Variants in SHC3 observed in about 807,000 individuals in gnomAD.
SHC3 encodes SHC adaptor protein 3.
In SHC3, 15 loss-of-function variants were observed where a neutral mutation model predicts 60.4. That is an observed-to-expected ratio of 0.25 (90% confidence interval 0.17 to 0.38). The LOEUF (loss-of-function observed/expected upper bound fraction) is 0.38. Among genes scored for constraint, SHC3 ranks in the 10% least tolerant of loss-of-function variants. The probability of loss-of-function intolerance (pLI) is 1.00; values close to 1 mark genes in which losing one functional copy is unlikely to be tolerated. For missense variants in SHC3, 677 were observed against 786.1 expected (o/e 0.86, Z 1.66); for synonymous variants, 294 against 325.9 (o/e 0.90, Z 1.05).
intron 8 of SHC3, 133 bp downstream of exon 8, chr9:89,046,711 G>A (rs1168103472): frequency 3.7e-6 from 4 of 1,088,514 alleles, no homozygotes; most frequent in Non-Finnish European, 5.0e-6. Flanking sequence ...GAAATCCAGT[G>A]AGAGAAAGCT....
intron 11 of SHC3, among the ~76,000 whole-genome samples, chr9:89,034,584 G>T (rs947464671): frequency 5.3e-5 from 8 of 152,186 alleles, no homozygotes; most frequent in Non-Finnish European, 8.8e-5. Flanking sequence ...AAAACTACTG[G>T]AAGAAGCAAA....
intron 1 of SHC3, among the ~76,000 whole-genome samples, chr9:89,136,516 A>G (rs1365853031): frequency 6.6e-6 from 1 of 152,182 alleles, no homozygotes; most frequent in Non-Finnish European, 1.5e-5. Context: ...AATGCCAGGA[A>G]ATGTCAGGAA....
intron 3 of SHC3, among the ~76,000 whole-genome samples, chr9:89,076,906 T>C (rs1276959348): frequency 6.6e-6 from 1 of 152,146 alleles, no homozygotes; most frequent in Non-Finnish European, 1.5e-5. Context: ...GGGCCGGGCA[T>C]GGTGGCTCAC....
chr9:89,060,416 A>G (rs118039627), intron 6 of SHC3, among the ~76,000 whole-genome samples: 4,049 of 152,000 alleles, frequency 0.027, 89 homozygotes, highest in Non-Finnish European at 0.045. Flanking sequence ...GGTACACAGG[A>G]TGATCAGGGG....
chr9:89,020,693 TG>T (rs1263984809), intron 11 of SHC3, among the ~76,000 whole-genome samples: 3 of 151,994 alleles, frequency 2.0e-5, no homozygotes, highest in Middle Eastern at 3.2e-3. Context: ...GAGAGCAAAA[TG>T]GGCAGGCCAA....
intron 11 of SHC3, among the ~76,000 whole-genome samples, chr9:89,021,811 ACT>A (rs981906830): frequency 2.6e-5 from 4 of 151,472 alleles, no homozygotes; most frequent in African/African-American, 9.7e-5. Context: ...CCATGGAAAA[ACT>A]CTGTCACACA....
chr9:89,038,342 T>TTAA (rs1218915230), intron 10 of SHC3, 54 bp from the exon 11 acceptor site: 1 of 1,094,316 alleles, frequency 9.1e-7, no homozygotes, highest in African/African-American at 1.8e-5. Flanking sequence ...GAGCAAATGA[T>TTAA]AAAAAAAAAA....
At chr9:89,063,051 G>C (rs1224154498) in intron 6 of SHC3, among the ~76,000 whole-genome samples, 1 of 152,232 alleles carries the variant, frequency 6.6e-6, no homozygotes, top group Non-Finnish European at 1.5e-5. Flanking sequence ...GGGTTGAGGG[G>C]TAAAGATGGC....
chr9:89,155,466 C>T (rs751842784), intron 1 of SHC3, among the ~76,000 whole-genome samples: 2 of 152,158 alleles, frequency 1.3e-5, no homozygotes, highest in Admixed American at 6.5e-5. Context: ...GCTTCTCCAT[C>T]CTTACAGGAT....
intron 2 of SHC3, among the ~76,000 whole-genome samples, chr9:89,082,874 G>A (rs923339498): frequency 3.9e-5 from 6 of 152,276 alleles, no homozygotes; most frequent in African/African-American, 1.2e-4. Flanking sequence ...CCACTGGCCC[G>A]CTCATCTCCG....
At chr9:89,080,112 C>T (rs1825420880) in intron 2 of SHC3, among the ~76,000 whole-genome samples, 1 of 152,184 alleles carries the variant, frequency 6.6e-6, no homozygotes, top group African/African-American at 2.4e-5. Context: ...TCTCAATTCC[C>T]CTTCTTGCTG....
chr9:89,097,504 G>A (rs1267739984), intron 2 of SHC3, among the ~76,000 whole-genome samples: 1 of 152,214 alleles, frequency 6.6e-6, no homozygotes, highest in East Asian at 1.9e-4. Flanking sequence ...AAGGCCCTGG[G>A]GGCAGAAAGG....
At chr9:89,144,906 C>A (rs772303831) in intron 1 of SHC3, among the ~76,000 whole-genome samples, 3 of 151,960 alleles carry the variant, frequency 2.0e-5, no homozygotes, top group Non-Finnish European at 4.4e-5. Context: ...ACAGGGCTGG[C>A]GAGGATATAT....
intron 6 of SHC3, among the ~76,000 whole-genome samples, chr9:89,052,851 T>C (rs1271923348): frequency 1.3e-5 from 2 of 152,142 alleles, no homozygotes; most frequent in Non-Finnish European, 1.5e-5. Flanking sequence ...AAGTTAGGGG[T>C]GGCGGTAGGC....
intron 6 of SHC3, among the ~76,000 whole-genome samples, chr9:89,053,337 G>C (rs1389343606): frequency 6.6e-6 from 1 of 152,232 alleles, no homozygotes; most frequent in African/African-American, 2.4e-5. Flanking sequence ...CCCTGGCAGT[G>C]ATTAGGGAGA....
chr9:89,061,291 C>G (rs938319303), intron 6 of SHC3, among the ~76,000 whole-genome samples: 1 of 152,206 alleles, frequency 6.6e-6, no homozygotes, highest in African/African-American at 2.4e-5. Flanking sequence ...AGAAGCAGTG[C>G]TGTGTTACTT....
intron 6 of SHC3, among the ~76,000 whole-genome samples, chr9:89,055,864 G>A (rs1367344796): frequency 2.6e-5 from 4 of 152,164 alleles, no homozygotes; most frequent in Admixed American, 2.6e-4. Flanking sequence ...TCCCCAATAA[G>A]TGTCTATTTG....
chr9:89,094,621 C>T (rs1238204794), intron 2 of SHC3, among the ~76,000 whole-genome samples: 2 of 152,114 alleles, frequency 1.3e-5, no homozygotes, highest in African/African-American at 4.8e-5. Context: ...ATTATGATTT[C>T]CTTTTCATTA....
At chr9:89,145,354 AC>A (rs769492607) in intron 1 of SHC3, among the ~76,000 whole-genome samples, 10 of 152,322 alleles carry the variant, frequency 6.6e-5, no homozygotes, top group Middle Eastern at 6.8e-3. Context: ...TGCTTCCTGA[AC>A]CAATTATTTC....
Sources: allele counts gnomAD v4.1 joint callset (sites outside exome capture counted in the v4.1 genomes callset), GRCh38; gene constraint gnomAD v4.1.1; transcripts MANE v1.5; gene names NCBI Gene and HGNC (gene_info 2026-07-23, HGNC 2026-07-21).